Variants in ATP8A2 observed in about 807,000 individuals in gnomAD.
The protein encoded by ATP8A2 is ATPase phospholipid transporting 8A2.
Under a neutral mutation model 165.6 loss-of-function variants are expected in ATP8A2, and 100 were observed. The observed-to-expected ratio is 0.60, with a 90% CI of 0.51 to 0.71. The LOEUF (loss-of-function observed/expected upper bound fraction) is 0.71. Among genes scored for constraint, ATP8A2 ranks in the 30% least tolerant of loss-of-function variants. The pLI is 0.00. For synonymous variants in ATP8A2, 543 were observed against 548.8 expected (o/e 0.99, Z 0.15); for missense variants, 1,227 against 1,479.5 (o/e 0.83, Z 2.80).
chr13:25,557,972 C>T lies in ATP8A2; in HGVS notation c.1264-1001C>T, dbSNP rs113901780. On this transcript the variant is annotated intron_variant, in intron 13 of 36. Coordinates refer to ENST00000381655, the MANE Select transcript of ATP8A2 (RefSeq NM_016529.6). ...AGGCTGGATTGCAATGGTGCGATCT[C>T]GGCTCACTGCAACCTCTGCCTCCTG... Among the ~76,000 whole-genome samples the T allele has an allele frequency of 9.2e-3, 1,404 of 151,956 alleles. 11 individuals carry two copies. Among genetic ancestry groups the T allele is most frequent in the Non-Finnish European group, 0.014 (925 of 67,978 alleles).
At chr13:25,554,941 T>A in intron 12 of ATP8A2, 50 bp from the exon 13 acceptor site, 1 of 1,130,490 alleles carries the variant, frequency 8.8e-7, no homozygotes, top group East Asian at 2.4e-5. Flanking sequence ...GAATGAAGAA[T>A]TAATGGTATA....
chr13:25,437,168 A>T (rs2034804022), intron 1 of ATP8A2, among the ~76,000 whole-genome samples: 1 of 152,028 alleles, frequency 6.6e-6, no homozygotes, highest in African/African-American at 2.4e-5. Flanking sequence ...GATTAGTGAT[A>T]ATGAGCATTT....
chr13:25,481,203 A>C (rs61948568), intron 2 of ATP8A2, among the ~76,000 whole-genome samples: 1 of 149,436 alleles, frequency 6.7e-6, no homozygotes, highest in Non-Finnish European at 1.5e-5. Flanking sequence ...CAGGGAGAGG[A>C]ACAGGGACAG....
At chr13:25,699,425 G>A in intron 25 of ATP8A2, 80 bp downstream of exon 25, 1 of 1,101,622 alleles carries the variant, frequency 9.1e-7, no homozygotes, top group Non-Finnish European at 1.2e-6. Context: ...GGGATGCATG[G>A]GAATTCTAGG....
At chr13:25,862,531 C>G (rs755340545) in intron 33 of ATP8A2, 123 bp downstream of exon 33, 9 of 713,134 alleles carry the variant, frequency 1.3e-5, no homozygotes, top group Non-Finnish European at 2.2e-5. Flanking sequence ...GCTGGTCCTT[C>G]CTGCTTCCAT....
At chr13:25,550,329 T>G (rs974359993) in intron 10 of ATP8A2, among the ~76,000 whole-genome samples, 8 of 151,920 alleles carry the variant, frequency 5.3e-5, no homozygotes, top group African/African-American at 1.9e-4. Flanking sequence ...AATAACATAC[T>G]CGCAGTGCCC....
At chr13:25,842,289 T>C (rs1951761287) in intron 30 of ATP8A2, among the ~76,000 whole-genome samples, 1 of 151,872 alleles carries the variant, frequency 6.6e-6, no homozygotes, top group Non-Finnish European at 1.5e-5. Context: ...AGGACAGGTG[T>C]GGAAAACTGA....
intron 1 of ATP8A2, among the ~76,000 whole-genome samples, chr13:25,425,583 CT>C (rs1197808475): frequency 4.5e-5 from 5 of 112,232 alleles, no homozygotes; most frequent in African/African-American, 5.9e-5. Context: ...TCTTTCTTTC[CT>C]TTTTTTTTGA....
intron 35 of ATP8A2, among the ~76,000 whole-genome samples, chr13:26,011,843 G>T (rs1956854861): frequency 6.6e-6 from 1 of 152,206 alleles, no homozygotes; most frequent in Admixed American, 6.5e-5. Context: ...GCTGAGGTGG[G>T]AGAGTTGCTT....
intron 27 of ATP8A2, among the ~76,000 whole-genome samples, chr13:25,784,923 G>A (rs1157518197): frequency 3.3e-5 from 5 of 151,610 alleles, no homozygotes; most frequent in Non-Finnish European, 7.4e-5. Context: ...ATGCCACCAC[G>A]CCCGGCTAAT....
At chr13:25,516,766 T>C (rs1161861358) in intron 2 of ATP8A2, among the ~76,000 whole-genome samples, 2 of 151,430 alleles carry the variant, frequency 1.3e-5, no homozygotes, top group Non-Finnish European at 2.9e-5. Context: ...TTTCTTTCTT[T>C]CTTCCTTTCT....
intron 27 of ATP8A2, among the ~76,000 whole-genome samples, chr13:25,806,905 G>T (rs1054539649): frequency 1.3e-5 from 2 of 152,046 alleles, no homozygotes; most frequent in African/African-American, 4.8e-5. Flanking sequence ...TTGTGGTTTT[G>T]GTTTCCATTT....
At chr13:25,533,572 G>A (rs1036181015) in intron 6 of ATP8A2, among the ~76,000 whole-genome samples, 1 of 152,296 alleles carries the variant, frequency 6.6e-6, no homozygotes, top group Non-Finnish European at 1.5e-5. Flanking sequence ...AATCCAATTT[G>A]AGAAATATTT....
chr13:25,753,263 G>C lies in ATP8A2; in HGVS notation c.2385-15783G>C, dbSNP rs1179430004. ...CACAAACCAAGTGCTAACACTTACA[G>C]GGTGTGGTTCCACAGCTGCCCTTTG... On this transcript the variant is annotated intron_variant, in intron 25 of 36. Transcript: ENST00000381655. Among the ~76,000 whole-genome samples, 3 of 152,218 alleles carry C rather than the reference G, an allele frequency of 2.0e-5. No individual in the cohort carries two copies. In the East Asian group the frequency reaches 5.8e-4, roughly 29 times the overall value.
At chr13:25,905,246 TA>T (rs941566790) in intron 33 of ATP8A2, among the ~76,000 whole-genome samples, 13 of 151,312 alleles carry the variant, frequency 8.6e-5, no homozygotes, top group South Asian at 4.2e-4. Flanking sequence ...TTTACTTACT[TA>T]AAAAAAAAAT....
chr13:25,892,405 A>C (rs1953392828), intron 33 of ATP8A2, among the ~76,000 whole-genome samples: 1 of 151,922 alleles, frequency 6.6e-6, no homozygotes, highest in African/African-American at 2.4e-5. Context: ...AATTTACTTG[A>C]TGCCTGTGAA....
chr13:25,936,695 A>T (rs891864730), intron 33 of ATP8A2, among the ~76,000 whole-genome samples: 6 of 152,152 alleles, frequency 3.9e-5, no homozygotes, highest in Non-Finnish European at 7.3e-5. Flanking sequence ...GAGCAGAGGG[A>T]GGCTGACTGC....
intron 2 of ATP8A2, among the ~76,000 whole-genome samples, chr13:25,526,573 G>A (rs1343883366): frequency 2.0e-5 from 3 of 152,102 alleles, no homozygotes; most frequent in Non-Finnish European, 4.4e-5. Context: ...ATAAACAATT[G>A]GAGCACTGTC....
chr13:25,645,161 C>T lies in ATP8A2; in HGVS notation c.2212-54012C>T, dbSNP rs551540941. ...TTACTGTTCCTCATGGCTGGGGAGG[C>T]CTCAGAATCATTGTGCGATATGAAA... On this transcript the variant is annotated intron_variant, in intron 24 of 36. Coordinates refer to ENST00000381655, the MANE Select transcript of ATP8A2 (RefSeq NM_016529.6). 2.0e-5 allele frequency among the ~76,000 whole-genome samples: 3 copies of T among 152,150 alleles called. No homozygotes were observed. In the South Asian group the frequency reaches 6.2e-4, roughly 32 times the overall value.
Sources: allele counts gnomAD v4.1 joint callset (sites outside exome capture counted in the v4.1 genomes callset), GRCh38; gene constraint gnomAD v4.1.1; transcripts MANE v1.5; gene names NCBI Gene and HGNC (gene_info 2026-07-23, HGNC 2026-07-21).